Variants in ATP6V1E1 observed in about 807,000 individuals in gnomAD.
ATP6V1E1 encodes the protein ATPase H+ transporting V1 subunit E1, also known as V-type proton ATPase subunit E 1.
ATP6V1E1 carries 21 observed loss-of-function variants against 35.2 expected under a neutral mutation model. The observed-to-expected ratio is 0.60, with a 90% confidence interval of 0.42 to 0.86. The LOEUF is 0.86. Ranked by LOEUF, ATP6V1E1 falls within the 40% of genes least tolerant of loss-of-function variation. ATP6V1E1 has a pLI of 0.00. For missense variants in ATP6V1E1, 183 were observed against 272.6 expected (o/e 0.67, Z 2.32); for synonymous variants, 83 against 87.8 (o/e 0.95, Z 0.30).
intron 8 of ATP6V1E1, among the ~76,000 whole-genome samples, chr22:17,593,034 C>T (rs1162944548): frequency 2.6e-5 from 4 of 152,082 alleles, no homozygotes; most frequent in South Asian, 4.2e-4. Flanking sequence ...GTGATCCACC[C>T]GCCTCGGCCT....
chr22:17,613,644 G>A (rs1291755968), intron 2 of ATP6V1E1, among the ~76,000 whole-genome samples: 5 of 152,284 alleles, frequency 3.3e-5, no homozygotes, highest in Admixed American at 2.0e-4. Context: ...TTACTGGTGG[G>A]CCAATAAATA....
chr22:17,610,474 T>G (rs777367081), intron 4 of ATP6V1E1, among the ~76,000 whole-genome samples: 50 of 151,932 alleles, frequency 3.3e-4, no homozygotes, highest in Admixed American at 9.2e-4. Context: ...CTCAGAATCT[T>G]TTCCACTCTT....
intron 4 of ATP6V1E1, among the ~76,000 whole-genome samples, chr22:17,602,177 G>C (rs1324646969): frequency 2.0e-5 from 3 of 152,168 alleles, no homozygotes; most frequent in Admixed American, 2.0e-4. Flanking sequence ...AAAGTGCTGG[G>C]ATTACAGGAG....
intron 7 of ATP6V1E1, chr22:17,594,988 A>G (rs1159432062): frequency 6.4e-6 from 1 of 155,510 alleles, no homozygotes; most frequent in African/African-American, 2.4e-5. Context: ...TGTGGACCCC[A>G]AAGATACAGA....
Position 17,621,116 on chromosome 22 carries a change from ACCATAGT to A in ATP6V1E1, c.34-1597_34-1591del, listed in dbSNP as rs202217574. ...ACCTCGCTCCATCATCGGAGGGACT[ACCATAGT>A]CCTTGCCATCATCTCCTCTCAGCTA... On this transcript the variant is annotated intron_variant, in intron 1 of 8. Transcript: ENST00000253413. 9.9e-3 allele frequency among the ~76,000 whole-genome samples: 1,507 copies of A among 152,192 alleles called. 17 individuals carry two copies. The highest frequency in any genetic ancestry group is 0.034 in the African/African-American group (1,410 of 41,522).
chr22:17,601,867 A>G (rs751079606), intron 4 of ATP6V1E1, among the ~76,000 whole-genome samples: 3 of 152,094 alleles, frequency 2.0e-5, no homozygotes, highest in Admixed American at 6.5e-5. Context: ...TTGGCCTCCC[A>G]AAGTGCTGGG....
rs923574604 is a variant in ATP6V1E1, at chr22:17,602,655, G to A, written c.277-1474C>T. 3.3e-5 allele frequency among the ~76,000 whole-genome samples: 5 copies of A among 152,292 alleles called. No individual in the cohort carries two copies. The South Asian group carries it at 6.2e-4, about 19-fold the overall frequency. On this transcript the variant is annotated intron_variant, in intron 4 of 8. Transcript: ENST00000253413. ...CTCCCAAAGTGCTGGGATTACAGGCGTGAGCCACCACGCCTGGCCATTTGA... is the reference window on the plus strand; with the variant it reads ...CTCCCAAAGTGCTGGGATTACAGGCATGAGCCACCACGCCTGGCCATTTGA...
In ATP6V1E1 at chr22:17,615,792, G is replaced by A. The variant is rs554830892; in HGVS notation, c.100-2472C>T. Among the ~76,000 whole-genome samples the A allele has an allele frequency of 1.2e-4, 18 of 152,242 alleles. No homozygotes were observed. The East Asian group carries it at 2.7e-3, about 23-fold the overall frequency. ...TAACGCCTGTAATCCCAACACTTTG[G>A]GAGGCTGAGGTGGGCAGATCGTGAG... On this transcript the variant is annotated intron_variant, in intron 2 of 8. Coordinates refer to ENST00000253413, the MANE Select transcript of ATP6V1E1 (RefSeq NM_001696.4).
At chr22:17,597,469 T>C (rs551054829) in intron 7 of ATP6V1E1, among the ~76,000 whole-genome samples, 1 of 152,126 alleles carries the variant, frequency 6.6e-6, no homozygotes, top group Non-Finnish European at 1.5e-5. Flanking sequence ...CTTGCAATTC[T>C]ATCTCTAAGG....
chr22:17,628,757 G>C (rs1001121948), upstream of ATP6V1E1: 15 of 1,344,388 alleles, frequency 1.1e-5, no homozygotes, highest in Non-Finnish European at 1.6e-5. Context: ...TATAACCGCG[G>C]GTTCCGGTTC....
At chr22:17,614,049 C>G (rs5747270) in intron 2 of ATP6V1E1, among the ~76,000 whole-genome samples, 52,915 of 151,634 alleles carry the variant, frequency 0.35, 9,559 homozygotes, top group African/African-American at 0.41. Context: ...GTAAAATGAA[C>G]TTAAAAAAAT....
At chr22:17,627,810 C>T (rs1226165075) in intron 1 of ATP6V1E1, among the ~76,000 whole-genome samples, 3 of 123,832 alleles carry the variant, frequency 2.4e-5, no homozygotes, top group East Asian at 2.2e-4. Flanking sequence ...CAGAGTGAGA[C>T]TCCGTCTCAA....
At chr22:17,616,070 G>A (rs1022973652) in intron 2 of ATP6V1E1, among the ~76,000 whole-genome samples, 10 of 147,156 alleles carry the variant, frequency 6.8e-5, no homozygotes, top group African/African-American at 2.1e-4. Context: ...AACAAAAGCC[G>A]GGCGTGGTGG....
At position 17,628,722 on chromosome 22, in the gene ATP6V1E1, G is replaced by A. The variant is rs909047493; in HGVS notation, c.-87C>T. ...AGAGAAATCGGCAAAGGGAACCCCTGCGCAGATCTCGGGTTCCTTTACTTT... is the reference window on the plus strand; with the variant it reads ...AGAGAAATCGGCAAAGGGAACCCCTACGCAGATCTCGGGTTCCTTTACTTT... On this transcript the variant is annotated 5_prime_UTR_variant, in exon 1 of 9. Transcript: ENST00000253413. 69 of 1,570,392 alleles carry A rather than the reference G, an allele frequency of 4.4e-5. No homozygotes were observed. The highest frequency in any genetic ancestry group is 3.2e-5 in the Non-Finnish European group (37 of 1,141,076).
chr22:17,615,150 A>C (rs1008349488), intron 2 of ATP6V1E1, among the ~76,000 whole-genome samples: 1 of 150,978 alleles, frequency 6.6e-6, no homozygotes, highest in African/African-American at 2.4e-5. Context: ...AAAATACAAA[A>C]ATTAGCCAGG....
At chr22:17,593,360 C>T (rs1227877987) in intron 8 of ATP6V1E1, among the ~76,000 whole-genome samples, 2 of 152,128 alleles carry the variant, frequency 1.3e-5, no homozygotes, top group Non-Finnish European at 2.9e-5. Context: ...GCTGGGTCAC[C>T]TACACTCTTT....
intron 6 of ATP6V1E1, among the ~76,000 whole-genome samples, chr22:17,598,779 T>C (rs2057746429): frequency 6.6e-6 from 1 of 152,118 alleles, no homozygotes; most frequent in South Asian, 2.1e-4. Flanking sequence ...CCTCAAAAAA[T>C]GAAGTACACA....
At chr22:17,602,380 C>CT (rs35255555) in intron 4 of ATP6V1E1, among the ~76,000 whole-genome samples, 35,299 of 147,026 alleles carry the variant, frequency 0.24, 4,201 homozygotes, top group Non-Finnish European at 0.26. Context: ...AAACTCAAGG[C>CT]TTTTTTTTTT....
chr22:17,626,307 C>CAAAA (rs928655426), intron 1 of ATP6V1E1, among the ~76,000 whole-genome samples: 38 of 60,986 alleles, frequency 6.2e-4, no homozygotes, highest in East Asian at 1.7e-3. Context: ...GACTTCGTCT[C>CAAAA]AAAAAAAAAA....
Sources: allele counts gnomAD v4.1 joint callset (sites outside exome capture counted in the v4.1 genomes callset), GRCh38; gene constraint gnomAD v4.1.1; transcripts MANE v1.5; gene names NCBI Gene and HGNC (gene_info 2026-07-23, HGNC 2026-07-21).